The following FRMPD4 variants were observed in gnomAD, a reference collection of about 807,000 sequenced individuals.
The protein encoded by FRMPD4 is FERM and PDZ domain-containing protein 4.
A neutral mutation model predicts 94.1 loss-of-function variants in FRMPD4; 22 were observed. That is an observed-to-expected ratio of 0.23 (90% CI 0.17 to 0.33). FRMPD4 has a LOEUF of 0.33. Among genes scored for constraint, FRMPD4 ranks in the 10% least tolerant of loss-of-function variants. The pLI, the probability that FRMPD4 is intolerant of heterozygous loss-of-function variation, is 1.00. For missense variants in FRMPD4, 1,111 were observed against 1,339.9 expected (o/e 0.83, Z 2.67); for synonymous variants, 631 against 548.6 (o/e 1.15, Z -2.10).
intron 1 of FRMPD4, among the ~76,000 whole-genome samples, chrX:12,396,684 A>G (rs769555963): frequency 8.9e-5 from 10 of 112,095 alleles, no homozygotes; most frequent in Non-Finnish European, 1.5e-4. Context: ...ACATGCATAC[A>G]TAGGCACATA....
chrX:12,339,650 T>C (rs1478177100), intron 1 of FRMPD4, among the ~76,000 whole-genome samples: 1 of 108,564 alleles, frequency 9.2e-6, no homozygotes, highest in African/African-American at 3.4e-5. Context: ...GGAATCTCCC[T>C]CTATTGCCCA....
At chrX:11,899,303 G>T (rs1601828593) in intron 3 of FRMPD4, among the ~76,000 whole-genome samples, 2 of 110,762 alleles carry the variant, frequency 1.8e-5, no homozygotes, top group African/African-American at 6.6e-5. Context: ...AAGAAAATGG[G>T]TGAAAAGTTT....
At chrX:11,904,426 C>T (rs1357071915) in intron 3 of FRMPD4, among the ~76,000 whole-genome samples, 1 of 111,993 alleles carries the variant, frequency 8.9e-6, no homozygotes, top group Non-Finnish European at 1.9e-5. Context: ...TATCCTTGAT[C>T]CTCTTAGATG....
chrX:12,309,366 TAAAAA>T (rs762254895), intron 1 of FRMPD4, among the ~76,000 whole-genome samples: 6 of 108,970 alleles, frequency 5.5e-5, no homozygotes, highest in South Asian at 7.9e-4. Flanking sequence ...TTAAAAAAAA[TAAAAA>T]AAAAGTCTTA....
intron 1 of FRMPD4, among the ~76,000 whole-genome samples, chrX:12,183,395 C>T (rs974381853): frequency 8.9e-6 from 1 of 112,219 alleles, no homozygotes; most frequent in African/African-American, 3.2e-5. Context: ...CTCCACAAAT[C>T]CACAAAGCAT....
At chrX:11,960,140 A>G (rs945454383) in intron 3 of FRMPD4, among the ~76,000 whole-genome samples, 7 of 111,815 alleles carry the variant, frequency 6.3e-5, no homozygotes, top group African/African-American at 2.3e-4. Flanking sequence ...AAATTATTAC[A>G]ATGTTGGGGA....
chrX:12,023,028 A>G (rs889349215), intron 3 of FRMPD4, among the ~76,000 whole-genome samples: 2 of 111,333 alleles, frequency 1.8e-5, no homozygotes, highest in Admixed American at 1.9e-4. Context: ...CCTAACTCTC[A>G]AGGTTATGGA....
At chrX:11,852,521 C>G (rs1276007940) in intron 1 of FRMPD4, among the ~76,000 whole-genome samples, 1 of 109,001 alleles carries the variant, frequency 9.2e-6, no homozygotes, top group Non-Finnish European at 1.9e-5. Context: ...TTTATTGAGA[C>G]TTGATGTGTC....
intron 1 of FRMPD4, among the ~76,000 whole-genome samples, chrX:12,191,816 A>T (rs1486214418): frequency 1.8e-5 from 2 of 111,695 alleles, no homozygotes; most frequent in Non-Finnish European, 3.8e-5. Context: ...ACAGTGGTGG[A>T]TACTTGTTAT....
At position 12,138,705 on chromosome X, in the gene FRMPD4, T is replaced by A. The variant is rs1300778636; in HGVS notation, c.-267T>A. On this transcript the variant is annotated 5_prime_UTR_variant, in exon 1 of 17. Coordinates refer to ENST00000675598, the MANE Select transcript of FRMPD4 (RefSeq NM_001368397.1). ...CTCCCCGCCCCCGCCTCTTGCGCCC[T>A]GCCTGGCTCCCTCTCCATTGAGTTT... 2 of 300,224 alleles carry A rather than the reference T, an allele frequency of 6.7e-6. No individual in the cohort carries two copies. Among genetic ancestry groups the A allele is most frequent in the East Asian group, 9.6e-5 (2 of 20,878 alleles). The allele number at this position is 300,224 out of a possible 1,213,427, so 24.7% of individuals were successfully genotyped here.
intron 1 of FRMPD4, among the ~76,000 whole-genome samples, chrX:12,405,219 T>C (rs1395765675): frequency 9.0e-6 from 1 of 111,287 alleles, no homozygotes; most frequent in Non-Finnish European, 1.9e-5. Context: ...GTAAGGTAGA[T>C]AGGCATGTGA....
chrX:12,173,309 G>A (rs2056252508), intron 1 of FRMPD4, among the ~76,000 whole-genome samples: 2 of 112,476 alleles, frequency 1.8e-5, no homozygotes, highest in South Asian at 7.4e-4. Context: ...ATACATTTGG[G>A]GCATGGCATC....
chrX:12,112,842 G>A (rs1223244785), intron 3 of FRMPD4, among the ~76,000 whole-genome samples: 2 of 110,933 alleles, frequency 1.8e-5, no homozygotes, highest in Non-Finnish European at 3.8e-5. Flanking sequence ...AAGTCTGTGT[G>A]GTTTATATGG....
At position 12,716,638 on chromosome X, in the gene FRMPD4, G is replaced by A. The variant is rs1342982041; in HGVS notation, c.2179G>A (p.Ala727Thr). The A allele has an allele frequency of 8.3e-7, 1 of 1,210,618 alleles. No homozygotes were observed. The highest frequency in any genetic ancestry group is 1.7e-5 in the African/African-American group (1 of 57,722). ...CATAGGCGATGTGAAGAGCTTCCAG[G>A]CCGCGGAGGGGATCGAGGAACCCCT... The part of the protein sequence containing the change: ...ANIGDVKSFQ[A>T]AEGIEEPLLH... Residue 727 changes from alanine to threonine, a missense_variant, in exon 15 of 17, where the codon GCC (alanine) becomes ACC (threonine). Physicochemically the swap from Ala to Thr is moderately conservative, Grantham distance 58. Coordinates refer to ENST00000675598, the MANE Select transcript of FRMPD4 (RefSeq NM_001368397.1).
At chrX:11,996,367 C>G (rs1239335177) in intron 3 of FRMPD4, among the ~76,000 whole-genome samples, 1 of 111,842 alleles carries the variant, frequency 8.9e-6, no homozygotes, top group East Asian at 2.8e-4. Context: ...TCCCTCACTG[C>G]CTTTGCAAAG....
chrX:12,546,437 C>T (rs1232399178), intron 2 of FRMPD4, among the ~76,000 whole-genome samples: 1 of 112,305 alleles, frequency 8.9e-6, no homozygotes, highest in Non-Finnish European at 1.9e-5. Context: ...CTTGGCCTCC[C>T]AAAGTGCTGG....
intron 1 of FRMPD4, among the ~76,000 whole-genome samples, chrX:12,239,809 C>T (rs1367855447): frequency 8.9e-6 from 1 of 111,854 alleles, no homozygotes; most frequent in African/African-American, 3.3e-5. Flanking sequence ...AGCATCTTCT[C>T]GCTGTGTCCT....
At chrX:12,457,257 G>C (rs2057343273) in intron 1 of FRMPD4, among the ~76,000 whole-genome samples, 2 of 111,583 alleles carry the variant, frequency 1.8e-5, no homozygotes, top group Admixed American at 9.5e-5. Flanking sequence ...CTGGAGAGAG[G>C]GTAGGCAGTT....
At chrX:12,571,214 T>C (rs979985818) in intron 2 of FRMPD4, among the ~76,000 whole-genome samples, 1 of 112,531 alleles carries the variant, frequency 8.9e-6, no homozygotes, top group Non-Finnish European at 1.9e-5. Flanking sequence ...AAGTGAAAGC[T>C]ACACAAATGA....
Sources: allele counts gnomAD v4.1 joint callset (sites outside exome capture counted in the v4.1 genomes callset), GRCh38; gene constraint gnomAD v4.1.1; transcripts MANE v1.5; gene names NCBI Gene and HGNC (gene_info 2026-07-23, HGNC 2026-07-21).